MAP7D2: variants seen among roughly 807,000 people sequenced by gnomAD.
MAP7D2 encodes the protein MAP7 domain-containing protein 2.
In MAP7D2, 33 loss-of-function variants were observed where a neutral mutation model predicts 63.5. The observed-to-expected ratio is 0.52, with a 90% CI of 0.39 to 0.70. MAP7D2 has a LOEUF of 0.70. MAP7D2 is among the 30% of genes least tolerant of loss of function. MAP7D2 has a pLI of 0.00. For synonymous variants in MAP7D2, 224 were observed against 223.7 expected, an observed-to-expected ratio of 1.00 and a Z score of -0.01; for missense variants, 626 against 604.0, an observed-to-expected ratio of 1.04 and a Z score of -0.38.
intron 1 of MAP7D2, among the ~76,000 whole-genome samples, chrX:20,110,460 C>G (rs1016868402): frequency 9.1e-6 from 1 of 110,032 alleles, no homozygotes; most frequent in African/African-American, 3.3e-5. Flanking sequence ...TGCACTCCAG[C>G]CTGGGTGACA....
intron 10 of MAP7D2, among the ~76,000 whole-genome samples, chrX:20,017,965 C>CTTTT (rs141142969): frequency 5.8e-5 from 5 of 85,716 alleles, no homozygotes; most frequent in East Asian, 6.6e-4. Context: ...AATCCATTCT[C>CTTTT]TTTTTTTTTT....
chrX:20,060,394 GAAAGAAAAGA>G (rs1200109788), intron 3 of MAP7D2, among the ~76,000 whole-genome samples: 2 of 93,480 alleles, frequency 2.1e-5, no homozygotes, highest in Non-Finnish European at 4.3e-5. Flanking sequence ...GTGCAGAAAA[GAAAGAAAAGA>G]AAAGAAAAGA....
intron 1 of MAP7D2, among the ~76,000 whole-genome samples, chrX:20,075,263 A>G (rs755618025): frequency 1.8e-5 from 2 of 111,989 alleles, no homozygotes; most frequent in African/African-American, 6.5e-5. Context: ...CACCAGAAAG[A>G]GAACTCTGTC....
chrX:20,069,152 T>C (rs1175346518), intron 1 of MAP7D2, among the ~76,000 whole-genome samples: 1 of 111,919 alleles, frequency 8.9e-6, no homozygotes, highest in Non-Finnish European at 1.9e-5. Context: ...ATGTCTAACT[T>C]TCCTACCCAA....
intron 8 of MAP7D2, among the ~76,000 whole-genome samples, chrX:20,039,997 C>CAA (rs759631358): frequency 4.4e-3 from 127 of 29,033 alleles, no homozygotes; most frequent in East Asian, 8.4e-3. Context: ...GACTCCATCT[C>CAA]AAAAAAAAAA....
chrX:20,068,029 G>A (rs190771685), intron 1 of MAP7D2, among the ~76,000 whole-genome samples: 26 of 111,920 alleles, frequency 2.3e-4, no homozygotes, highest in Non-Finnish European at 4.7e-4. Flanking sequence ...GGACCCTGGG[G>A]GAAGCTGTAA....
intron 8 of MAP7D2, among the ~76,000 whole-genome samples, chrX:20,039,997 CAAAAAAA>C (rs759631358): frequency 6.3e-3 from 189 of 29,791 alleles, no homozygotes; most frequent in Non-Finnish European, 8.8e-3. Flanking sequence ...GACTCCATCT[CAAAAAAA>C]AAAAAAAAAA....
chrX:20,070,538 A>T (rs189951735), intron 1 of MAP7D2, among the ~76,000 whole-genome samples: 5 of 111,128 alleles, frequency 4.5e-5, no homozygotes, highest in Non-Finnish European at 9.4e-5. Context: ...CCTAAAGGGG[A>T]TACCCTCTCA....
At chrX:20,077,069 T>A (rs2065663498) in intron 1 of MAP7D2, among the ~76,000 whole-genome samples, 1 of 112,235 alleles carries the variant, frequency 8.9e-6, no homozygotes, top group South Asian at 3.7e-4. Context: ...TGAGAATGGA[T>A]CCCTCCCCTG....
rs1226962063 is a variant in MAP7D2, at chrX:20,010,855, A to G, written c.2270T>C (p.Ile757Thr). ...TTGGCCAGGACTGTTAAATCCTTCG[A>G]TAAGGTTTTTGTTACAGTCGTCCAG... is the stretch of plus-strand genomic sequence containing the variant. Reference protein sequence around the residue: ...LSLDDCNKNLIEGFNSPGQET... With the variant: ...LSLDDCNKNLTEGFNSPGQET... The change falls in exon 16 of 17, where the codon ATC (isoleucine) becomes ACC (threonine). Residue 757 changes from isoleucine to threonine, a missense_variant. Ile to Thr is a moderately conservative substitution (Grantham distance 89). Transcript: ENST00000379643. 5 of 1,210,356 alleles carry G rather than the reference A, an allele frequency of 4.1e-6. No individual in the cohort carries two copies. The highest frequency in any genetic ancestry group is 3.5e-5 in the South Asian group (2 of 56,947).
At chrX:20,044,109 C>T (rs187558627) in intron 7 of MAP7D2, among the ~76,000 whole-genome samples, 2 of 112,372 alleles carry the variant, frequency 1.8e-5, no homozygotes, top group African/African-American at 6.5e-5. Context: ...CTTCTGACTC[C>T]TGTCCTCTGG....
chrX:20,016,332 A>G lies in MAP7D2; in HGVS notation c.1413-7T>C. On this transcript the variant is annotated splice_polypyrimidine_tract_variant and splice_region_variant and intron_variant, in intron 10 of 16. Transcript: ENST00000379643. ...CAATTCCTCTCTCTCCAGCCTTTTG[A>G]GAATACAACTGTTGTTAGAAGATGA... The G allele has an allele frequency of 8.3e-7, 1 of 1,199,814 alleles. No individual in the cohort carries two copies. Among genetic ancestry groups the G allele is most frequent in the South Asian group, 1.8e-5 (1 of 56,304 alleles).
At chrX:20,049,975 C>G (rs976042790) in intron 6 of MAP7D2, 2 of 247,454 alleles carry the variant, frequency 8.1e-6, no homozygotes, top group East Asian at 2.6e-4. Context: ...GCTATCTGTA[C>G]AACTTATTTG....
intron 1 of MAP7D2, among the ~76,000 whole-genome samples, chrX:20,084,898 T>G (rs1341697868): frequency 3.6e-5 from 4 of 111,193 alleles, no homozygotes; most frequent in Non-Finnish European, 7.5e-5. Flanking sequence ...AAACGCCTTA[T>G]TAGTAGTGGT....
chrX:20,093,517 C>T (rs1302432942), intron 1 of MAP7D2, among the ~76,000 whole-genome samples: 7 of 110,492 alleles, frequency 6.3e-5, no homozygotes, highest in Non-Finnish European at 1.1e-4. Context: ...ATTAGTTTGG[C>T]GTGGTGGCAC....
chrX:20,109,688 T>C (rs987931322), intron 1 of MAP7D2, among the ~76,000 whole-genome samples: 4 of 111,462 alleles, frequency 3.6e-5, no homozygotes, highest in Admixed American at 9.6e-5. Flanking sequence ...AATTAAAACA[T>C]ATAATCAGCC....
At chrX:20,023,680 C>T (rs979822428) in intron 10 of MAP7D2, among the ~76,000 whole-genome samples, 3 of 111,569 alleles carry the variant, frequency 2.7e-5, no homozygotes, top group Non-Finnish European at 5.7e-5. Context: ...CACACGACTA[C>T]GATCATGTTA....
intron 3 of MAP7D2, among the ~76,000 whole-genome samples, chrX:20,061,519 G>C (rs1278040952): frequency 8.9e-6 from 1 of 112,414 alleles, no homozygotes; most frequent in African/African-American, 3.2e-5. Flanking sequence ...TGTGCCCAGG[G>C]AGAAGAGGGA....
At chrX:20,012,308 C>T (rs776433049) in intron 15 of MAP7D2, 41 bp downstream of exon 15, 8 of 1,028,933 alleles carry the variant, frequency 7.8e-6, no homozygotes, top group South Asian at 7.7e-5. Flanking sequence ...GGTAGTGTTT[C>T]GAGAAGTGAT....
Sources: gnomAD v4.1 joint callset for allele counts (sites outside exome capture counted in the v4.1 genomes callset) on GRCh38, gnomAD v4.1.1 for gene constraint, MANE v1.5 for transcripts, NCBI Gene and HGNC (gene_info 2026-07-23, HGNC 2026-07-21) for gene names.